The following HIGD2B variants were observed in gnomAD, a reference collection of about 807,000 sequenced individuals.
HIGD2B encodes the protein HIG1 domain family member 2B.
For synonymous variants in HIGD2B, 45 were observed against 28.1 expected, an observed-to-expected ratio of 1.60 and a Z score of -1.90; for missense variants, 106 against 67.0, an observed-to-expected ratio of 1.58 and a Z score of -2.03.
intron 2 of HIGD2B, among the ~76,000 whole-genome samples, chr15:72,677,448 G>C: frequency 6.6e-6 from 1 of 151,454 alleles, no homozygotes; most frequent in Non-Finnish European, 1.5e-5. Flanking sequence ...TTCTGTTTGG[G>C]AAAGAGACTG....
At chr15:72,683,163 A>G (rs533996291) in intron 1 of HIGD2B, among the ~76,000 whole-genome samples, 1 of 152,358 alleles carries the variant, frequency 6.6e-6, no homozygotes, top group African/African-American at 2.4e-5. Context: ...CCTGAAATAA[A>G]TTGTTGCATC....
chr15:72,685,883 G>C lies in HIGD2B; in HGVS notation c.-258C>G, dbSNP rs2064819192. ...GAAGGACTGAATTAAATGCAGATTA[G>C]AGTCAGGGCAGGGTAAGGTGGCGGG... On this transcript the variant is annotated 5_prime_UTR_variant, in exon 1 of 3. Transcript: ENST00000311755. 2.2e-6 allele frequency: 1 copy of C among 450,586 alleles called. No homozygotes were observed. The highest frequency in any genetic ancestry group is 2.3e-5 in the South Asian group (1 of 43,962). The allele number at this position is 450,586 out of a possible 1,614,324, so 27.9% of individuals were successfully genotyped here.
chr15:72,684,019 G>C (rs916757644), intron 1 of HIGD2B, among the ~76,000 whole-genome samples: 4 of 151,818 alleles, frequency 2.6e-5, no homozygotes, highest in African/African-American at 2.4e-5. Context: ...TTTAGCACCA[G>C]GCATGGTGAC....
chr15:72,676,301 C>CT lies in HIGD2B; in HGVS notation c.73dup (p.Ser25LysfsTer88). On this transcript the variant is annotated frameshift_variant, in exon 3 of 3. Coordinates refer to ENST00000311755, the MANE Select transcript of HIGD2B (RefSeq NM_001350932.3). LOFTEE classifies it high-confidence loss of function. Reference sequence around the variant, plus strand: ...CTCTGGATTGCTGTAAACAGTGGGGCTAAGCCCCTCAAAGATGGGGGGCTT... The same window carrying CT: ...CTCTGGATTGCTGTAAACAGTGGGGCTTAAGCCCCTCAAAGATGGGGGGCTT... 1 of 762,796 alleles carries CT rather than the reference C, an allele frequency of 1.3e-6. No homozygotes were observed. Among genetic ancestry groups the CT allele is most frequent in the Non-Finnish European group, 2.4e-6 (1 of 415,772 alleles). The allele number at this position is 762,796 out of a possible 1,614,324, so 47.3% of individuals were successfully genotyped here. A position where few individuals can be genotyped will look rare whatever the true frequency, so the allele number is the denominator to read the frequency against.
intron 2 of HIGD2B, among the ~76,000 whole-genome samples, chr15:72,678,593 C>T (rs905960373): frequency 7.9e-5 from 12 of 152,164 alleles, no homozygotes; most frequent in African/African-American, 1.4e-4. Flanking sequence ...TGAGCCACTA[C>T]GCCTAGCCCT....
intron 1 of HIGD2B, among the ~76,000 whole-genome samples, chr15:72,681,264 A>C (rs761683601): frequency 9.2e-5 from 14 of 152,130 alleles, no homozygotes; most frequent in Non-Finnish European, 1.9e-4. Context: ...TCTATAGCTC[A>C]GGAGAATAAA....
In HIGD2B at chr15:72,685,404, A is replaced by G. The variant is rs371481934; in HGVS notation, c.-193+414T>C. 1.1e-4 allele frequency among the ~76,000 whole-genome samples: 17 copies of G among 152,334 alleles called. 1 individual carries two copies. In the South Asian group the frequency reaches 3.5e-3, roughly 32 times the overall value. On this transcript the variant is annotated intron_variant, in intron 1 of 2. Coordinates refer to ENST00000311755, the MANE Select transcript of HIGD2B (RefSeq NM_001350932.3). Reference sequence around the variant, plus strand: ...CCCGGCACTTTAATAAATGAGGCTCAAAGAAACGACGGGCTTAGGTCATGC... The same window carrying G: ...CCCGGCACTTTAATAAATGAGGCTCGAAGAAACGACGGGCTTAGGTCATGC...
At position 72,675,977 on chromosome 15, in the gene HIGD2B, G is replaced by C; in HGVS notation, c.*77C>G. The stretch of plus-strand genomic sequence containing the variant: ...CAGGGACCTCTCAAAGGAGAGGAGA[G>C]AGTAAGTCCCATGGTAGGGCCAGTG... On this transcript the variant is annotated 3_prime_UTR_variant, in exon 3 of 3. Coordinates refer to ENST00000311755, the MANE Select transcript of HIGD2B (RefSeq NM_001350932.3). 1 of 649,712 alleles carries C rather than the reference G, an allele frequency of 1.5e-6. No homozygotes were observed. The highest frequency in any genetic ancestry group is 2.8e-6 in the Non-Finnish European group (1 of 356,732). 40.2% of individuals were successfully genotyped at this position (649,712 alleles called of 1,614,324 possible). A position where few individuals can be genotyped will look rare whatever the true frequency, so the allele number is the denominator to read the frequency against.
Position 72,683,865 on chromosome 15 carries a change from G to A in HIGD2B, c.-193+1953C>T, listed in dbSNP as rs188509330. Among the ~76,000 whole-genome samples the A allele has an allele frequency of 3.6e-3, 548 of 150,248 alleles. 4 individuals are homozygous for A. The highest frequency in any genetic ancestry group is 5.8e-3 in the Admixed American group (86 of 14,852). On this transcript the variant is annotated intron_variant, in intron 1 of 2. Coordinates refer to ENST00000311755, the MANE Select transcript of HIGD2B (RefSeq NM_001350932.3). ...CAAAAACAAAAAAACTAAGCACTGT[G>A]GATTAGAAATTAATAATTTTTCATC...
chr15:72,678,921 T>G (rs1177149703), intron 2 of HIGD2B, among the ~76,000 whole-genome samples: 1 of 151,078 alleles, frequency 6.6e-6, no homozygotes, highest in Non-Finnish European at 1.5e-5. Flanking sequence ...CGTTTGAGCC[T>G]AGGAATTCGA....
chr15:72,676,109 G>A lies in HIGD2B; in HGVS notation c.266C>T (p.Thr89Ile), dbSNP rs746971262. The change falls in exon 3 of 3, where the codon ACC becomes ATC. Residue 89 changes from threonine to isoleucine, a missense_variant. Physicochemically the swap from Thr to Ile is moderately conservative, Grantham distance 89 (BLOSUM62 -1). Transcript: ENST00000311755. The stretch of plus-strand genomic sequence containing the variant: ...TAGACCCAGCAAGATGGCTGCAATG[G>A]TGAAGCCCTGGGCGGCGATCTGGGT... The part of the protein sequence containing the change: ...MHTQIAAQGF[T>I]IAAILLGLAA... 3 of 765,596 alleles carry A rather than the reference G, an allele frequency of 3.9e-6. No individual in the cohort carries two copies. Among genetic ancestry groups the A allele is most frequent in the East Asian group, 4.9e-5 (2 of 41,130 alleles). 47.4% of individuals were successfully genotyped at this position (765,596 alleles called of 1,614,324 possible).
At chr15:72,677,676 C>G (rs1471126863) in intron 2 of HIGD2B, among the ~76,000 whole-genome samples, 5 of 151,492 alleles carry the variant, frequency 3.3e-5, no homozygotes, top group African/African-American at 1.2e-4. Context: ...GCAAGAGGAT[C>G]AATTGAGCAT....
At chr15:72,678,871 C>A (rs1042263397) in intron 2 of HIGD2B, among the ~76,000 whole-genome samples, 9 of 151,980 alleles carry the variant, frequency 5.9e-5, no homozygotes, top group Admixed American at 1.3e-4. Context: ...GTGGCGCATG[C>A]CTGTAGTCCC....
At chr15:72,681,034 C>A (rs1203032560) in intron 1 of HIGD2B, among the ~76,000 whole-genome samples, 1 of 152,142 alleles carries the variant, frequency 6.6e-6, no homozygotes, top group African/African-American at 2.4e-5. Context: ...TTGTTACTGC[C>A]TTGTTTATGT....
chr15:72,683,323 G>T (rs551948858), intron 1 of HIGD2B, among the ~76,000 whole-genome samples: 18 of 152,198 alleles, frequency 1.2e-4, no homozygotes, highest in African/African-American at 3.9e-4. Flanking sequence ...AACAGGGAGT[G>T]ACATGTCAGA....
At chr15:72,676,693 G>A (rs904825345) in intron 2 of HIGD2B, among the ~76,000 whole-genome samples, 2 of 152,184 alleles carry the variant, frequency 1.3e-5, no homozygotes, top group Non-Finnish European at 2.9e-5. Flanking sequence ...GGGATTACAG[G>A]TGTGAGCCAC....
In HIGD2B at chr15:72,676,245, G is replaced by A. The variant is rs1025376400; in HGVS notation, c.130C>T (p.Arg44Cys). The A allele has an allele frequency of 6.5e-6, 5 of 766,958 alleles. No homozygotes were observed. Among genetic ancestry groups the A allele is most frequent in the East Asian group, 2.4e-5 (1 of 41,220 alleles). 47.5% of individuals were successfully genotyped at this position (766,958 alleles called of 1,614,324 possible). A position where few individuals can be genotyped will look rare whatever the true frequency, so the allele number is the denominator to read the frequency against. The change falls in exon 3 of 3, where the codon CGC becomes TGC. Residue 44 changes from arginine (R) to cysteine (C), a missense_variant. Physicochemically the swap from Arg to Cys is radical, Grantham distance 180 (BLOSUM62 -3). Coordinates refer to ENST00000311755, the MANE Select transcript of HIGD2B (RefSeq NM_001350932.3). ...CCTATGGGTACCACCGGATTCTCGC[G>A]GGTCTTGCGAAGGAACTTTTCCTTG... ...GFKEKFLRKT[R>C]ENPVVPIGFL...
chr15:72,679,433 G>A (rs2064726586), intron 2 of HIGD2B, among the ~76,000 whole-genome samples: 1 of 149,718 alleles, frequency 6.7e-6, no homozygotes, highest in African/African-American at 2.5e-5. Flanking sequence ...GAGGAAAGAA[G>A]GAAGGGAAGG....
intron 2 of HIGD2B, among the ~76,000 whole-genome samples, chr15:72,679,755 T>C (rs1275388540): frequency 1.3e-5 from 2 of 151,498 alleles, no homozygotes; most frequent in African/African-American, 2.4e-5. Flanking sequence ...TTTGGGAAAA[T>C]ATAAAAAAAA....
Sources: gnomAD v4.1 joint callset for allele counts (sites outside exome capture counted in the v4.1 genomes callset) on GRCh38, gnomAD v4.1.1 for gene constraint, MANE v1.5 for transcripts, NCBI Gene and HGNC (gene_info 2026-07-23, HGNC 2026-07-21) for gene names.